The following IPO5 variants were observed in gnomAD, a reference collection of about 807,000 sequenced individuals.
The protein encoded by IPO5 is importin-5.
IPO5 carries 18 observed loss-of-function variants against 143.3 expected under a neutral mutation model. The observed-to-expected ratio is 0.13, with a 90% CI of 0.09 to 0.19. IPO5 has a LOEUF of 0.19. IPO5 is among the 10% of genes least tolerant of loss of function. IPO5 has a pLI of 1.00. For synonymous variants in IPO5, 477 were observed against 465.7 expected, an observed-to-expected ratio of 1.02 and a Z score of -0.31; for missense variants, 1,013 against 1,336.9, an observed-to-expected ratio of 0.76 and a Z score of 3.78.
At chr13:97,958,214 A>T (rs945130993) in intron 2 of IPO5, among the ~76,000 whole-genome samples, 1 of 152,054 alleles carries the variant, frequency 6.6e-6, no homozygotes, top group African/African-American at 2.4e-5. Context: ...AATGCCATGA[A>T]AGTGATGGCT....
chr13:97,967,455 T>C (rs1467813024), intron 2 of IPO5, among the ~76,000 whole-genome samples: 1 of 152,148 alleles, frequency 6.6e-6, no homozygotes, highest in Non-Finnish European at 1.5e-5. Flanking sequence ...TTCTTTCAGC[T>C]TGTTGTGGAT....
At chr13:97,983,460 C>G (rs1178518399) in intron 5 of IPO5, among the ~76,000 whole-genome samples, 1 of 151,458 alleles carries the variant, frequency 6.6e-6, no homozygotes, top group Non-Finnish European at 1.5e-5. Context: ...ATTACTTTTC[C>G]CTATGGTAAA....
Position 97,976,802 on chromosome 13 carries a change from G to GC in IPO5, c.90+20dup, listed in dbSNP as rs1468814812. On this transcript the variant is annotated intron_variant, in intron 4 of 28. Coordinates refer to ENST00000651721, the MANE Select transcript of IPO5 (RefSeq NM_002271.6). ...ACAGGCAGAGGTAACCGAGTTCGCC[G>GC]CCCCAGTCTTCGCGCCCTGGCCGGC... 1 of 1,242,062 alleles carries GC rather than the reference G, an allele frequency of 8.1e-7. No homozygotes were observed. Among genetic ancestry groups the GC allele is most frequent in the South Asian group, 1.3e-5 (1 of 74,948 alleles). The allele number at this position is 1,242,062 out of a possible 1,614,324, so 76.9% of individuals were successfully genotyped here.
rs751412516 is a variant in IPO5 at position 98,000,566 on chromosome 13, A to T, written c.1029A>T (p.Leu343=). The part of the protein sequence containing the change: ...DSNAVAGESA[L]DRMACGLGGK... ...ATGCAGTTGCAGGCGAGAGTGCTCT[A>T]GATCGAATGGCTTGCGGACTTGGTG... is the stretch of plus-strand genomic sequence containing the variant. The change falls in exon 13 of 29, where the codon CTA becomes CTT. Residue 343 remains leucine (L), a synonymous_variant. Transcript: ENST00000651721. The T allele has an allele frequency of 6.2e-7, 1 of 1,614,058 alleles. No individual in the cohort carries two copies. The highest frequency in any genetic ancestry group is 8.5e-7 in the Non-Finnish European group (1 of 1,179,916).
chr13:98,005,281 TC>T (rs1466253834), intron 16 of IPO5, among the ~76,000 whole-genome samples: 2 of 151,750 alleles, frequency 1.3e-5, no homozygotes, highest in Non-Finnish European at 2.9e-5. Flanking sequence ...CACTGCAACC[TC>T]TGCCTCCCCA....
intron 16 of IPO5, among the ~76,000 whole-genome samples, chr13:98,004,260 A>G (rs917835718): frequency 2.0e-5 from 3 of 152,264 alleles, no homozygotes; most frequent in Non-Finnish European, 4.4e-5. Context: ...TTTGCATAGC[A>G]CTGGCAATTG....
At chr13:97,967,831 C>A (rs192571419) in intron 2 of IPO5, among the ~76,000 whole-genome samples, 1 of 152,262 alleles carries the variant, frequency 6.6e-6, no homozygotes, top group East Asian at 1.9e-4. Context: ...CGGCGTTTCA[C>A]CATGTTAGCC....
Position 98,015,780 on chromosome 13 carries a change from A to C in IPO5, c.2492A>C (p.Glu831Ala). 6.2e-7 allele frequency: 1 copy of C among 1,600,430 alleles called. No individual in the cohort carries two copies. The highest frequency in any genetic ancestry group is 1.1e-5 in the South Asian group (1 of 89,250). Residue 831 changes from glutamate to alanine, a missense_variant and splice_region_variant, in exon 24 of 29, where the codon GAG (glutamate) becomes GCG (alanine). Glu to Ala is a moderately radical substitution (Grantham distance 107, BLOSUM62 -1). Around this residue, in one of 2 missense-constraint regions of IPO5, gnomAD observed 685 missense variants for 994.9 expected, o/e 0.69. Coordinates refer to ENST00000651721, the MANE Select transcript of IPO5 (RefSeq NM_002271.6). Reference protein sequence around the residue: ...DEQVEESLQDEDDNDVYILTK... With the variant: ...DEQVEESLQDADDNDVYILTK... ...CAGGTCGAAGAGTCACTACAAGATG[A>C]GGTAAGTTATTCCCTTTGGAACTTA...
chr13:97,979,705 T>C (rs540833500), intron 4 of IPO5, among the ~76,000 whole-genome samples: 1 of 152,164 alleles, frequency 6.6e-6, no homozygotes, highest in Non-Finnish European at 1.5e-5. Context: ...TTTCATTGAG[T>C]GTTTTTTGTA....
chr13:98,021,994 C>T lies in IPO5; in HGVS notation c.*172C>T. On this transcript the variant is annotated 3_prime_UTR_variant, in exon 29 of 29. Transcript: ENST00000651721. ...GCGCTGTGTTGCAGAATGGAGTTTC[C>T]ATGGATTTCTACCAGACCACTGAAG... 4.7e-6 allele frequency: 2 copies of T among 422,418 alleles called. No homozygotes were observed. The allele number at this position is 422,418 out of a possible 1,614,324, so 26.2% of individuals were successfully genotyped here. A position where few individuals can be genotyped will look rare whatever the true frequency, so the allele number is the denominator to read the frequency against.
intron 2 of IPO5, among the ~76,000 whole-genome samples, chr13:97,967,927 G>A (rs998359001): frequency 4.6e-5 from 7 of 152,094 alleles, no homozygotes; most frequent in East Asian, 3.9e-4. Context: ...CACCGCACCC[G>A]GCTCAAAGTA....
chr13:97,974,345 C>A (rs1419843162), intron 3 of IPO5, among the ~76,000 whole-genome samples: 1 of 148,512 alleles, frequency 6.7e-6, no homozygotes, highest in Non-Finnish European at 1.5e-5. Context: ...CTTGCTCTAT[C>A]ACCCAGGCTG....
chr13:98,009,423 A>T (rs1477070588), intron 18 of IPO5, among the ~76,000 whole-genome samples: 1 of 152,186 alleles, frequency 6.6e-6, no homozygotes, highest in Non-Finnish European at 1.5e-5. Context: ...CTAAGAGAAA[A>T]GGATGTTTTG....
intron 25 of IPO5, among the ~76,000 whole-genome samples, chr13:98,017,460 C>T (rs796818468): frequency 1.6e-4 from 24 of 152,028 alleles, no homozygotes; most frequent in African/African-American, 4.8e-4. Context: ...CCACCACACC[C>T]GACGAATTTT....
At chr13:97,985,323 C>T in intron 5 of IPO5, 98 bp from the exon 6 acceptor site, 2 of 932,816 alleles carry the variant, frequency 2.1e-6, no homozygotes, top group Non-Finnish European at 3.3e-6. Flanking sequence ...ATATTTACTT[C>T]TTTAGAAAAT....
intron 28 of IPO5, 31 bp from the exon 29 acceptor site, chr13:98,021,704 TC>T: frequency 7.3e-7 from 1 of 1,368,454 alleles, no homozygotes; most frequent in East Asian, 2.3e-5. Context: ...GAGCATTTCG[TC>T]CTAAGTCTGT....
At chr13:97,977,629 C>G (rs1478345884) in intron 4 of IPO5, among the ~76,000 whole-genome samples, 1 of 152,246 alleles carries the variant, frequency 6.6e-6, no homozygotes, top group South Asian at 2.1e-4. Context: ...TTCCTGGCCT[C>G]CAAAATGTGG....
chr13:98,017,630 C>T (rs1005680109), intron 25 of IPO5, among the ~76,000 whole-genome samples: 1 of 151,606 alleles, frequency 6.6e-6, no homozygotes, highest in Non-Finnish European at 1.5e-5. Context: ...GTTTTAGATT[C>T]ACAACCAAAT....
chr13:97,992,031 T>G (rs1055511724), intron 9 of IPO5, among the ~76,000 whole-genome samples: 14 of 152,190 alleles, frequency 9.2e-5, no homozygotes, highest in African/African-American at 7.2e-5. Flanking sequence ...GAGCTAAAAT[T>G]GAAGGTTTCC....
Sources: allele counts gnomAD v4.1 joint callset (sites outside exome capture counted in the v4.1 genomes callset), GRCh38; gene constraint gnomAD v4.1.1; regional missense constraint gnomAD v4.1.1; transcripts MANE v1.5; gene names NCBI Gene and HGNC (gene_info 2026-07-23, HGNC 2026-07-21).